GRB2: variants seen among roughly 807,000 people sequenced by gnomAD.
GRB2 encodes growth factor receptor bound protein 2.
A neutral mutation model predicts 27.4 loss-of-function variants in GRB2; 2 were observed. The observed-to-expected ratio is 0.07, with a 90% CI of 0.03 to 0.23. The LOEUF (loss-of-function observed/expected upper bound fraction) is 0.23. Among genes scored for constraint, GRB2 ranks in the 10% least tolerant of loss-of-function variants. The probability of loss-of-function intolerance (pLI) is 1.00; values close to 1 mark genes in which losing one functional copy is unlikely to be tolerated. For synonymous variants in GRB2, 94 were observed against 99.6 expected (o/e 0.94, Z 0.33); for missense variants, 102 against 282.4 (o/e 0.36, Z 4.58).
intron 2 of GRB2, among the ~76,000 whole-genome samples, chr17:75,354,368 T>C (rs1218400038): frequency 6.6e-6 from 1 of 151,666 alleles, no homozygotes; most frequent in Admixed American, 6.6e-5. Flanking sequence ...GTTCAAGCGA[T>C]TCTCCTGCCT....
intron 2 of GRB2, chr17:75,339,016 A>C: frequency 7.9e-7 from 1 of 1,261,610 alleles, no homozygotes; most frequent in Non-Finnish European, 1.2e-6. Flanking sequence ...TGAAACCACA[A>C]AGAAGACTGT....
chr17:75,398,985 T>G (rs2079046374), intron 1 of GRB2, among the ~76,000 whole-genome samples: 1 of 151,714 alleles, frequency 6.6e-6, no homozygotes, highest in East Asian at 2.0e-4. Context: ...CGACCTCAGG[T>G]GATCCGCCCA....
intron 2 of GRB2, among the ~76,000 whole-genome samples, chr17:75,356,374 G>C (rs969374508): frequency 6.6e-6 from 1 of 152,076 alleles, no homozygotes; most frequent in African/African-American, 2.4e-5. Flanking sequence ...TAGGTGTGGT[G>C]GTGTGTACCT....
intron 2 of GRB2, among the ~76,000 whole-genome samples, chr17:75,389,793 C>G (rs373487389): frequency 6.6e-6 from 1 of 151,950 alleles, no homozygotes; most frequent in Non-Finnish European, 1.5e-5. Context: ...TGCAGTGAGC[C>G]GAGATCGCGC....
At chr17:75,374,490 G>A (rs1044029103) in intron 2 of GRB2, among the ~76,000 whole-genome samples, 1 of 151,868 alleles carries the variant, frequency 6.6e-6, no homozygotes, top group African/African-American at 2.4e-5. Context: ...AGCATTTTGG[G>A]AGGCCAAGGT....
At chr17:75,397,247 A>C (rs897846532) in intron 1 of GRB2, among the ~76,000 whole-genome samples, 2 of 151,500 alleles carry the variant, frequency 1.3e-5, no homozygotes, top group Non-Finnish European at 2.9e-5. Flanking sequence ...CAGTAAAGAC[A>C]AAAAAAAATC....
At chr17:75,353,275 A>G (rs114366938) in intron 2 of GRB2, among the ~76,000 whole-genome samples, 128 of 151,952 alleles carry the variant, frequency 8.4e-4, no homozygotes, top group African/African-American at 3.0e-3. Flanking sequence ...TGCATACTCA[A>G]GTCCCACAGT....
At chr17:75,322,313 G>A (rs547503463) in intron 4 of GRB2, among the ~76,000 whole-genome samples, 110 of 151,338 alleles carry the variant, frequency 7.3e-4, no homozygotes, top group Non-Finnish European at 1.2e-3. Flanking sequence ...CCGAGGTTGT[G>A]GTGAGCTGAG....
intron 5 of GRB2, among the ~76,000 whole-genome samples, chr17:75,321,318 AG>A (rs1423358483): frequency 1.3e-5 from 2 of 151,852 alleles, no homozygotes; most frequent in Admixed American, 6.6e-5. Context: ...CTGGGACTGC[AG>A]GTGTGCGCCA....
At chr17:75,398,265 T>TTTTA (rs986292167) in intron 1 of GRB2, among the ~76,000 whole-genome samples, 6 of 152,094 alleles carry the variant, frequency 3.9e-5, no homozygotes, top group Non-Finnish European at 7.4e-5. Context: ...GTAAACACAC[T>TTTTA]TTTATTTATT....
intron 2 of GRB2, among the ~76,000 whole-genome samples, chr17:75,381,736 A>AAAAAAAAAAAAG (rs2078930217): frequency 2.8e-5 from 3 of 106,470 alleles, no homozygotes; most frequent in Non-Finnish European, 3.6e-5. Flanking sequence ...AAAAAAAAAG[A>AAAAAAAAAAAAG]AAAAAAAAAA....
chr17:75,334,156 T>C (rs970133022), intron 2 of GRB2, among the ~76,000 whole-genome samples: 1 of 148,590 alleles, frequency 6.7e-6, no homozygotes, highest in African/African-American at 2.6e-5. Context: ...ATACGTTTTA[T>C]TTTTTTTTAG....
intron 2 of GRB2, among the ~76,000 whole-genome samples, chr17:75,368,774 C>T (rs1227732739): frequency 2.6e-5 from 4 of 151,828 alleles, no homozygotes; most frequent in East Asian, 1.9e-4. Context: ...GTCTTGAACT[C>T]GGCTCAAATG....
chr17:75,387,148 G>A (rs1480892855), intron 2 of GRB2, among the ~76,000 whole-genome samples: 1 of 151,622 alleles, frequency 6.6e-6, no homozygotes, highest in Non-Finnish European at 1.5e-5. Flanking sequence ...CTGAGGGACA[G>A]AGCGAGACTC....
chr17:75,318,197 T>C lies in GRB2; in HGVS notation c.*2171A>G, dbSNP rs1198157495. 2.6e-5 allele frequency: 4 copies of C among 152,476 alleles called. No individual in the cohort carries two copies. Among genetic ancestry groups the C allele is most frequent in the African/African-American group, 9.6e-5 (4 of 41,456 alleles). The allele number at this position is 152,476 out of a possible 1,614,324, so 9.4% of individuals were successfully genotyped here. A position where few individuals can be genotyped will look rare whatever the true frequency, so the allele number is the denominator to read the frequency against. On this transcript the variant is annotated 3_prime_UTR_variant, in exon 6 of 6. Transcript: ENST00000316804. ...AACACTGATTTTTTTTTTAAATATA[T>C]ACACACAAAACTTAGTTCAGCAAGG...
At chr17:75,342,251 C>G (rs1055832302) in intron 2 of GRB2, among the ~76,000 whole-genome samples, 1 of 152,110 alleles carries the variant, frequency 6.6e-6, no homozygotes, top group Non-Finnish European at 1.5e-5. Flanking sequence ...CAAACTAACC[C>G]GCAAGCAATG....
chr17:75,332,085 G>C (rs1318915270), intron 3 of GRB2, among the ~76,000 whole-genome samples: 1 of 152,126 alleles, frequency 6.6e-6, no homozygotes, highest in Non-Finnish European at 1.5e-5. Context: ...TGAGGGGTGG[G>C]TGAGAACGGG....
intron 3 of GRB2, among the ~76,000 whole-genome samples, chr17:75,327,076 T>TTC (rs1555608555): frequency 6.7e-6 from 1 of 149,624 alleles, no homozygotes; most frequent in Admixed American, 6.7e-5. Context: ...ATCTTTTCTT[T>TTC]TTTTTTTTTT....
At chr17:75,339,054 C>G (rs929155268) in intron 2 of GRB2, 6 of 1,308,218 alleles carry the variant, frequency 4.6e-6, no homozygotes, top group Admixed American at 1.7e-5. Context: ...TTGAGCCCAA[C>G]TGCAGATCTA....
Sources: gnomAD v4.1 joint callset for allele counts (sites outside exome capture counted in the v4.1 genomes callset) on GRCh38, gnomAD v4.1.1 for gene constraint, MANE v1.5 for transcripts, NCBI Gene and HGNC (gene_info 2026-07-23, HGNC 2026-07-21) for gene names.